The following KCNH1 variants were observed in gnomAD, a reference collection of about 807,000 sequenced individuals.
The protein encoded by KCNH1 is potassium voltage-gated channel subfamily H member 1, also known as voltage-gated delayed rectifier potassium channel KCNH1.
KCNH1 carries 27 observed loss-of-function variants against 69.2 expected under a neutral mutation model. The ratio of observed to expected loss-of-function variants is 0.39; its 90% CI spans 0.29 to 0.54. The LOEUF is 0.54. Ranked by LOEUF, KCNH1 falls within the 20% of genes least tolerant of loss-of-function variation. KCNH1 has a pLI of 0.68. For missense variants in KCNH1, 798 were observed against 1,261.6 expected, an observed-to-expected ratio of 0.63 and a Z score of 5.57; for synonymous variants, 456 against 487.7, an observed-to-expected ratio of 0.93 and a Z score of 0.86.
intron 7 of KCNH1, among the ~76,000 whole-genome samples, chr1:210,815,481 G>A (rs1367999309): frequency 6.6e-6 from 1 of 152,138 alleles, no homozygotes; most frequent in Non-Finnish European, 1.5e-5. Flanking sequence ...TTTCCTGCCA[G>A]CGGAACCGAG....
intron 10 of KCNH1, among the ~76,000 whole-genome samples, chr1:210,755,769 T>TC (rs34965824): frequency 1.3e-5 from 2 of 152,104 alleles, no homozygotes; most frequent in Non-Finnish European, 2.9e-5. Context: ...CCCGATTCTT[T>TC]CCCCCAGATC....
intron 3 of KCNH1, among the ~76,000 whole-genome samples, chr1:211,092,220 A>T (rs925641821): frequency 6.6e-6 from 1 of 152,224 alleles, no homozygotes; most frequent in South Asian, 2.1e-4. Context: ...TCAAGAGGTC[A>T]CCTGGCTTTC....
At chr1:210,967,063 T>C (rs1688420634) in intron 6 of KCNH1, among the ~76,000 whole-genome samples, 1 of 147,520 alleles carries the variant, frequency 6.8e-6, no homozygotes, top group African/African-American at 2.5e-5. Flanking sequence ...CATGTCAAAC[T>C]AACACAAGAA....
chr1:210,881,816 C>T (rs1445652600), intron 7 of KCNH1, among the ~76,000 whole-genome samples: 1 of 152,178 alleles, frequency 6.6e-6, no homozygotes, highest in East Asian at 1.9e-4. Flanking sequence ...AACCATATGA[C>T]ATTCTAGAAA....
intron 7 of KCNH1, among the ~76,000 whole-genome samples, chr1:210,885,864 C>T (rs909187442): frequency 1.1e-4 from 17 of 152,210 alleles, no homozygotes; most frequent in African/African-American, 4.1e-4. Flanking sequence ...TCTGGGCAGA[C>T]CATGTCTGAA....
chr1:210,798,273 T>G (rs1574262905), intron 8 of KCNH1, among the ~76,000 whole-genome samples: 1 of 152,080 alleles, frequency 6.6e-6, no homozygotes, highest in East Asian at 1.9e-4. Context: ...TCTCCTGACC[T>G]CGTGATCCGC....
chr1:210,720,747 G>A (rs1040448263), intron 10 of KCNH1, among the ~76,000 whole-genome samples: 1 of 152,252 alleles, frequency 6.6e-6, no homozygotes, highest in Admixed American at 6.5e-5. Context: ...TTTCTCAAGG[G>A]ACTCTGGCCT....
intron 6 of KCNH1, among the ~76,000 whole-genome samples, chr1:210,924,835 T>C (rs1206269266): frequency 1.3e-5 from 2 of 151,732 alleles, no homozygotes; most frequent in East Asian, 3.9e-4. Context: ...TCCACATCAC[T>C]GCTTCCACTA....
intron 6 of KCNH1, among the ~76,000 whole-genome samples, chr1:210,928,780 A>C (rs1422640744): frequency 3.3e-5 from 5 of 152,282 alleles, no homozygotes; most frequent in African/African-American, 4.8e-5. Flanking sequence ...TAAAATTGAT[A>C]GACCATTAAC....
chr1:210,782,324 C>T (rs1364302728), intron 9 of KCNH1, among the ~76,000 whole-genome samples: 1 of 152,160 alleles, frequency 6.6e-6, no homozygotes, highest in African/African-American at 2.4e-5. Context: ...TTTGTGTCCC[C>T]ACCCCCTCAA....
At chr1:211,112,812 A>T (rs925610016) in intron 1 of KCNH1, among the ~76,000 whole-genome samples, 1 of 152,168 alleles carries the variant, frequency 6.6e-6, no homozygotes, top group African/African-American at 2.4e-5. Flanking sequence ...GTCTGCCTCC[A>T]ACAGTATAGA....
At chr1:210,973,349 GA>G (rs1476102990) in intron 6 of KCNH1, among the ~76,000 whole-genome samples, 1 of 152,044 alleles carries the variant, frequency 6.6e-6, no homozygotes, top group Non-Finnish European at 1.5e-5. Context: ...TCGGTTAATG[GA>G]GTCAACATCT....
At chr1:210,828,044 T>C (rs1192821650) in intron 7 of KCNH1, among the ~76,000 whole-genome samples, 11 of 152,150 alleles carry the variant, frequency 7.2e-5, no homozygotes, top group Admixed American at 7.2e-4. Context: ...GGTTTCACCA[T>C]GTTGGCCAGG....
intron 7 of KCNH1, among the ~76,000 whole-genome samples, chr1:210,869,512 TG>T: frequency 6.6e-6 from 1 of 151,312 alleles, no homozygotes; most frequent in Non-Finnish European, 1.5e-5. Flanking sequence ...TGTGTGTGTG[TG>T]TGTGTGTGTG....
chr1:211,129,564 A>T (rs72741111), intron 1 of KCNH1, among the ~76,000 whole-genome samples: 6,691 of 152,174 alleles, frequency 0.044, 232 homozygotes, highest in Non-Finnish European at 0.073. Flanking sequence ...ACTTTCAGAG[A>T]AAGATAGCTG....
intron 3 of KCNH1, among the ~76,000 whole-genome samples, chr1:211,101,711 G>A (rs976525156): frequency 1.3e-5 from 2 of 152,178 alleles, no homozygotes; most frequent in Non-Finnish European, 2.9e-5. Flanking sequence ...ACTGAGAATG[G>A]CCGTGGAGCA....
At chr1:211,050,571 G>A (rs950419078) in intron 5 of KCNH1, among the ~76,000 whole-genome samples, 3 of 152,100 alleles carry the variant, frequency 2.0e-5, no homozygotes, top group Non-Finnish European at 2.9e-5. Context: ...ACAATCCCAC[G>A]CTGAAATGCA....
chr1:210,753,049 G>A (rs2102339748), intron 10 of KCNH1, among the ~76,000 whole-genome samples: 2 of 152,254 alleles, frequency 1.3e-5, no homozygotes, highest in African/African-American at 2.4e-5. Flanking sequence ...GCAAGGAAGT[G>A]TTCTCCCCTA....
At chr1:210,747,326 C>T (rs1009597028) in intron 10 of KCNH1, among the ~76,000 whole-genome samples, 9 of 151,874 alleles carry the variant, frequency 5.9e-5, no homozygotes, top group Non-Finnish European at 8.8e-5. Flanking sequence ...TGCAGCTGCT[C>T]GGCAACCGAG....
Sources: gnomAD v4.1 joint callset for allele counts (sites outside exome capture counted in the v4.1 genomes callset) on GRCh38, gnomAD v4.1.1 for gene constraint, MANE v1.5 for transcripts, NCBI Gene and HGNC (gene_info 2026-07-23, HGNC 2026-07-21) for gene names.